Variants in NDST3 observed in about 807,000 individuals in gnomAD.
The protein encoded by NDST3 is N-deacetylase and N-sulfotransferase 3.
In NDST3, 58 loss-of-function variants were observed where a neutral mutation model predicts 96.1. The observed-to-expected ratio is 0.60, with a 90% CI of 0.49 to 0.75. The LOEUF is 0.75. NDST3 is among the 30% of genes least tolerant of loss of function. NDST3 has a pLI of 0.00. For synonymous variants in NDST3, 333 were observed against 359.7 expected, an observed-to-expected ratio of 0.93 and a Z score of 0.84; for missense variants, 788 against 1,034.2, an observed-to-expected ratio of 0.76 and a Z score of 3.27.
intron 1 of NDST3, among the ~76,000 whole-genome samples, chr4:118,052,292 A>G (rs1725123823): frequency 6.6e-6 from 1 of 152,062 alleles, no homozygotes; most frequent in Admixed American, 6.6e-5. Flanking sequence ...ACAGACAACA[A>G]AATACCACAT....
intron 1 of NDST3, among the ~76,000 whole-genome samples, chr4:118,052,623 G>C (rs1725143456): frequency 6.6e-6 from 1 of 151,922 alleles, no homozygotes; most frequent in Admixed American, 6.6e-5. Flanking sequence ...GACTAGCCAG[G>C]AAATATGTGT....
At chr4:118,063,501 T>G (rs185592683) in intron 2 of NDST3, among the ~76,000 whole-genome samples, 1 of 152,172 alleles carries the variant, frequency 6.6e-6, no homozygotes, top group Non-Finnish European at 1.5e-5. Flanking sequence ...TACTGGATTA[T>G]GTCCTTCTCT....
At chr4:118,132,646 G>A (rs1372596093) in intron 4 of NDST3, among the ~76,000 whole-genome samples, 1 of 152,122 alleles carries the variant, frequency 6.6e-6, no homozygotes, top group African/African-American at 2.4e-5. Flanking sequence ...TTTCACCATA[G>A]TCACCACTGC....
intron 6 of NDST3, among the ~76,000 whole-genome samples, chr4:118,149,382 C>T (rs1247362828): frequency 6.6e-6 from 1 of 151,900 alleles, no homozygotes; most frequent in Non-Finnish European, 1.5e-5. Context: ...TCTTCCTACC[C>T]AAGAGCATGG....
chr4:118,040,723 C>G (rs1488725177), intron 1 of NDST3, among the ~76,000 whole-genome samples: 1 of 151,458 alleles, frequency 6.6e-6, no homozygotes, highest in Admixed American at 6.6e-5. Flanking sequence ...TACTCTGTCG[C>G]CCAGGCTGGA....
At chr4:118,160,383 A>G (rs982417544) in intron 6 of NDST3, among the ~76,000 whole-genome samples, 1 of 152,174 alleles carries the variant, frequency 6.6e-6, no homozygotes, top group Non-Finnish European at 1.5e-5. Context: ...TAGACAGCCT[A>G]CAAAATGGGA....
intron 12 of NDST3, among the ~76,000 whole-genome samples, chr4:118,249,808 C>T (rs894902510): frequency 1.3e-5 from 2 of 151,654 alleles, no homozygotes; most frequent in Non-Finnish European, 2.9e-5. Flanking sequence ...GTATAATTTA[C>T]ATATAATCAC....
Position 118,247,196 on chromosome 4 carries a change from C to T in NDST3, c.2399+5047C>T, listed in dbSNP as rs1271140883. Among the ~76,000 whole-genome samples the T allele has an allele frequency of 1.2e-3, 85 of 69,572 alleles. 1 individual carries two copies. Among genetic ancestry groups the T allele is most frequent in the African/African-American group, 5.0e-3 (85 of 17,034 alleles). 45.6% of individuals were successfully genotyped at this position (69,572 alleles called of 152,430 possible). On this transcript the variant is annotated intron_variant, in intron 12 of 13. Transcript: ENST00000296499. Reference sequence around the variant, plus strand: ...GCATGGCTTTGTTATATCCACACACCAGGGGGGTTTAAAAAAAAAAAAAAA... The same window carrying T: ...GCATGGCTTTGTTATATCCACACACTAGGGGGGTTTAAAAAAAAAAAAAAA...
chr4:118,190,199 A>C (rs1411654366), intron 6 of NDST3, among the ~76,000 whole-genome samples: 1 of 152,082 alleles, frequency 6.6e-6, no homozygotes, highest in African/African-American at 2.4e-5. Context: ...GAAAACTCTG[A>C]AAGTAATTTT....
At chr4:118,099,876 G>A (rs1013076389) in intron 2 of NDST3, among the ~76,000 whole-genome samples, 1 of 151,898 alleles carries the variant, frequency 6.6e-6, no homozygotes, top group Non-Finnish European at 1.5e-5. Context: ...TCTAAACCTG[G>A]TCAGAGAGAG....
intron 2 of NDST3, among the ~76,000 whole-genome samples, chr4:118,075,831 T>G (rs1256988223): frequency 6.6e-6 from 1 of 152,232 alleles, no homozygotes; most frequent in Non-Finnish European, 1.5e-5. Context: ...TGCAAAAATT[T>G]CCTCCCATTC....
intron 6 of NDST3, among the ~76,000 whole-genome samples, chr4:118,148,865 T>C (rs1734158525): frequency 6.6e-6 from 1 of 152,238 alleles, no homozygotes; most frequent in African/African-American, 2.4e-5. Context: ...ATAATAACTT[T>C]AGACCTAGAA....
intron 6 of NDST3, among the ~76,000 whole-genome samples, chr4:118,216,622 A>G (rs1739210186): frequency 6.6e-6 from 1 of 152,098 alleles, no homozygotes; most frequent in Non-Finnish European, 1.5e-5. Context: ...CCAAAGGCAA[A>G]GACATAAAGA....
chr4:118,180,678 G>A (rs1736553414), intron 6 of NDST3, among the ~76,000 whole-genome samples: 1 of 152,158 alleles, frequency 6.6e-6, no homozygotes, highest in Non-Finnish European at 1.5e-5. Flanking sequence ...ACAGGATTGG[G>A]TCATGTAGTG....
At chr4:118,072,577 T>G (rs1727172313) in intron 2 of NDST3, among the ~76,000 whole-genome samples, 1 of 152,176 alleles carries the variant, frequency 6.6e-6, no homozygotes, top group Non-Finnish European at 1.5e-5. Flanking sequence ...TACATTGACT[T>G]TGTATCTTGA....
intron 2 of NDST3, among the ~76,000 whole-genome samples, chr4:118,079,088 C>T (rs1292775841): frequency 1.3e-5 from 2 of 152,104 alleles, no homozygotes; most frequent in African/African-American, 4.8e-5. Context: ...CCATTTTTGG[C>T]CATTCACTCA....
chr4:118,230,316 G>A (rs893216261), intron 8 of NDST3, among the ~76,000 whole-genome samples: 3 of 152,184 alleles, frequency 2.0e-5, no homozygotes, highest in Non-Finnish European at 4.4e-5. Context: ...GCTCACGCCT[G>A]TAATCCCAGC....
chr4:118,123,069 A>G (rs553421798), intron 4 of NDST3, among the ~76,000 whole-genome samples: 2 of 152,316 alleles, frequency 1.3e-5, no homozygotes, highest in Admixed American at 1.3e-4. Context: ...TTAAGGAATT[A>G]TATTTTTACA....
chr4:118,131,822 T>C (rs1439041834), intron 4 of NDST3, among the ~76,000 whole-genome samples: 1 of 152,084 alleles, frequency 6.6e-6, no homozygotes, highest in Non-Finnish European at 1.5e-5. Context: ...GGTACCATCT[T>C]GGTGGTCTTG....
Sources: allele counts gnomAD v4.1 joint callset (sites outside exome capture counted in the v4.1 genomes callset), GRCh38; gene constraint gnomAD v4.1.1; transcripts MANE v1.5; gene names NCBI Gene and HGNC (gene_info 2026-07-23, HGNC 2026-07-21).